The following CACNB2 variants were observed in gnomAD, a reference collection of about 807,000 sequenced individuals.
The protein encoded by CACNB2 is voltage-dependent L-type calcium channel subunit beta-2.
CACNB2 carries 42 observed loss-of-function variants against 73.3 expected under a neutral mutation model. The observed-to-expected ratio is 0.57, with a 90% CI of 0.45 to 0.74. The LOEUF is 0.74. CACNB2 is among the 30% of genes least tolerant of loss of function. The pLI is 0.00. For missense variants in CACNB2, 940 were observed against 853.0 expected, an observed-to-expected ratio of 1.10 and a Z score of -1.27; for synonymous variants, 348 against 310.3, an observed-to-expected ratio of 1.12 and a Z score of -1.28.
chr10:18,359,623 C>CT (rs1387845476), intron 2 of CACNB2, among the ~76,000 whole-genome samples: 1 of 150,758 alleles, frequency 6.6e-6, no homozygotes, highest in African/African-American at 2.4e-5. Flanking sequence ...CTTTTTCATA[C>CT]TTTAAGTTCT....
At chr10:18,441,663 G>T (rs532990159) in intron 3 of CACNB2, among the ~76,000 whole-genome samples, 2 of 152,062 alleles carry the variant, frequency 1.3e-5, no homozygotes, top group Admixed American at 6.6e-5. Context: ...TAAAGACAGG[G>T]TCTCACTGTC....
At chr10:18,408,776 T>C (rs1052570395) in intron 3 of CACNB2, among the ~76,000 whole-genome samples, 1 of 152,182 alleles carries the variant, frequency 6.6e-6, no homozygotes, top group African/African-American at 2.4e-5. Context: ...AAAGGTTCTT[T>C]AGGGATGAGA....
At chr10:18,264,932 T>C (rs2037722157) in intron 2 of CACNB2, among the ~76,000 whole-genome samples, 2 of 152,150 alleles carry the variant, frequency 1.3e-5, no homozygotes, top group Non-Finnish European at 2.9e-5. Flanking sequence ...ATAAATACAT[T>C]GTGCTTAAGT....
At chr10:18,435,947 T>C (rs2046115863) in intron 3 of CACNB2, among the ~76,000 whole-genome samples, 1 of 152,220 alleles carries the variant, frequency 6.6e-6, no homozygotes, top group Non-Finnish European at 1.5e-5. Context: ...CCAGAGCATC[T>C]GTGAGCCCAG....
chr10:18,372,075 T>C (rs888772120), intron 2 of CACNB2, among the ~76,000 whole-genome samples: 14 of 152,244 alleles, frequency 9.2e-5, no homozygotes, highest in Admixed American at 2.6e-4. Flanking sequence ...GTAAATTTGT[T>C]TGAGTTCTTT....
At chr10:18,142,371 C>T (rs974686870) in intron 1 of CACNB2, among the ~76,000 whole-genome samples, 13 of 152,306 alleles carry the variant, frequency 8.5e-5, no homozygotes, top group African/African-American at 3.1e-4. Context: ...CAGCTACATT[C>T]CCATCTGGCC....
chr10:18,526,042 CT>C (rs2133218389), intron 9 of CACNB2, among the ~76,000 whole-genome samples: 1 of 152,234 alleles, frequency 6.6e-6, no homozygotes, highest in African/African-American at 2.4e-5. Context: ...ACAAACTGTC[CT>C]GTGCTCAAAT....
intron 3 of CACNB2, among the ~76,000 whole-genome samples, chr10:18,481,507 A>G (rs2048776092): frequency 6.6e-6 from 1 of 151,450 alleles, no homozygotes; most frequent in Non-Finnish European, 1.5e-5. Flanking sequence ...TCGGCATCCC[A>G]AAGTGCTGGG....
rs186726103 is a variant in CACNB2 at position 18,201,173 on chromosome 10, A to G, written c.213+50198A>G. Among the ~76,000 whole-genome samples the G allele has an allele frequency of 1.1e-4, 16 of 152,258 alleles. No homozygotes were observed. In the East Asian group the frequency reaches 2.9e-3, roughly 28 times the overall value. Reference sequence around the variant, plus strand: ...TTCATTCAATGGACGTATAGTGAGCACTATCATTTTCTAGCCACTGTGGTT... The same window carrying G: ...TTCATTCAATGGACGTATAGTGAGCGCTATCATTTTCTAGCCACTGTGGTT... On this transcript the variant is annotated intron_variant, in intron 2 of 13. Coordinates refer to ENST00000324631, the MANE Select transcript of CACNB2 (RefSeq NM_201596.3).
intron 2 of CACNB2, among the ~76,000 whole-genome samples, chr10:18,248,666 A>G (rs1161592196): frequency 2.0e-5 from 3 of 152,196 alleles, no homozygotes; most frequent in African/African-American, 7.2e-5. Flanking sequence ...GACATATCCA[A>G]TATCACTCTC....
intron 7 of CACNB2, chr10:18,514,572 GCAT>G: frequency 6.3e-7 from 1 of 1,598,178 alleles, no homozygotes; most frequent in East Asian, 2.2e-5. Context: ...CCTGCCACTG[GCAT>G]CATTAGCATT....
At chr10:18,406,035 T>C (rs532178542) in intron 3 of CACNB2, among the ~76,000 whole-genome samples, 259 of 152,314 alleles carry the variant, frequency 1.7e-3, no homozygotes, top group Middle Eastern at 6.8e-3. Context: ...CAATCTTGAG[T>C]CCATTGTTCT....
At chr10:18,361,498 CAAAAAAA>C (rs201696069) in intron 2 of CACNB2, among the ~76,000 whole-genome samples, 1 of 122,730 alleles carries the variant, frequency 8.1e-6, no homozygotes, top group Non-Finnish European at 1.7e-5. Context: ...GACTCTATCT[CAAAAAAA>C]AAAAAAAGAA....
chr10:18,158,375 A>G (rs1332584485), intron 2 of CACNB2, among the ~76,000 whole-genome samples: 1 of 152,214 alleles, frequency 6.6e-6, no homozygotes, highest in Non-Finnish European at 1.5e-5. Context: ...CTGTTATTAG[A>G]ATGAATGAAT....
At chr10:18,271,272 A>G (rs958788542) in intron 2 of CACNB2, among the ~76,000 whole-genome samples, 1 of 152,178 alleles carries the variant, frequency 6.6e-6, no homozygotes. Flanking sequence ...TATTCCTTGT[A>G]TTTCTTTTAA....
chr10:18,401,402 T>G (rs1488873882), intron 2 of CACNB2, among the ~76,000 whole-genome samples: 1 of 152,202 alleles, frequency 6.6e-6, no homozygotes, highest in Non-Finnish European at 1.5e-5. Context: ...GTCTTACAGT[T>G]TTATCAGAGA....
chr10:18,279,401 T>G (rs2038442628), intron 2 of CACNB2, among the ~76,000 whole-genome samples: 1 of 152,224 alleles, frequency 6.6e-6, no homozygotes. Flanking sequence ...GATCCTTGCT[T>G]AAGAAACGAT....
intron 3 of CACNB2, among the ~76,000 whole-genome samples, chr10:18,491,835 A>AAAT (rs2049450798): frequency 7.2e-6 from 1 of 139,452 alleles, no homozygotes; most frequent in African/African-American, 2.6e-5. Flanking sequence ...AAAAAAAAAA[A>AAAT]AAAAAAAAAA....
chr10:18,186,134 CT>C (rs2131241457), intron 2 of CACNB2, among the ~76,000 whole-genome samples: 1 of 152,180 alleles, frequency 6.6e-6, no homozygotes, highest in Non-Finnish European at 1.5e-5. Flanking sequence ...AAAGAAATAC[CT>C]GAGGCCAGGC....
Sources: gnomAD v4.1 joint callset for allele counts (sites outside exome capture counted in the v4.1 genomes callset) on GRCh38, gnomAD v4.1.1 for gene constraint, MANE v1.5 for transcripts, NCBI Gene and HGNC (gene_info 2026-07-23, HGNC 2026-07-21) for gene names.